The following DENND1B variants were observed in gnomAD, a reference collection of about 807,000 sequenced individuals.
DENND1B encodes the protein DENN domain containing 1B, also known as DENN domain-containing protein 1B.
DENND1B carries 59 observed loss-of-function variants against 90.1 expected under a neutral mutation model. The observed-to-expected ratio is 0.65, with a 90% CI of 0.53 to 0.81. The LOEUF (loss-of-function observed/expected upper bound fraction) is 0.81, where lower values mean the gene tolerates loss of function less well. DENND1B is among the 40% of genes least tolerant of loss of function. The pLI is 0.00. For missense variants in DENND1B, 862 were observed against 912.6 expected (o/e 0.94, Z 0.71); for synonymous variants, 337 against 324.6 (o/e 1.04, Z -0.41).
intron 2 of DENND1B, among the ~76,000 whole-genome samples, chr1:197,739,537 T>G (rs544246899): frequency 3.9e-5 from 6 of 151,902 alleles, no homozygotes; most frequent in African/African-American, 1.4e-4. Flanking sequence ...AACCCAACGG[T>G]CAAAGAAGAA....
intron 20 of DENND1B, among the ~76,000 whole-genome samples, chr1:197,538,676 T>A (rs1265995934): frequency 6.6e-6 from 1 of 150,954 alleles, no homozygotes; most frequent in South Asian, 2.1e-4. Context: ...TTTTTTTTTT[T>A]TTTTTTACAA....
At chr1:197,545,009 A>G (rs1017217768) in intron 18 of DENND1B, among the ~76,000 whole-genome samples, 37 of 20,438 alleles carry the variant, frequency 1.8e-3, no homozygotes, top group African/African-American at 4.2e-3. Context: ...GAAGACGACG[A>G]CGACGACGAC....
At chr1:197,556,000 A>C (rs1447595117) in intron 15 of DENND1B, among the ~76,000 whole-genome samples, 2 of 152,156 alleles carry the variant, frequency 1.3e-5, no homozygotes, top group East Asian at 3.9e-4. Flanking sequence ...TGGTACATAT[A>C]CACCATGGAA....
intron 10 of DENND1B, among the ~76,000 whole-genome samples, chr1:197,628,246 G>A (rs112087828): frequency 6.6e-6 from 1 of 152,120 alleles, no homozygotes; most frequent in African/African-American, 2.4e-5. Context: ...GAACAAAGCT[G>A]GAGGCATCAT....
intron 5 of DENND1B, among the ~76,000 whole-genome samples, chr1:197,668,892 G>T (rs1055030342): frequency 2.6e-5 from 4 of 151,954 alleles, no homozygotes; most frequent in African/African-American, 9.7e-5. Flanking sequence ...AGCACATGAA[G>T]TGTGTTTTCC....
chr1:197,521,798 T>C (rs144575357), intron 20 of DENND1B, among the ~76,000 whole-genome samples: 1 of 152,228 alleles, frequency 6.6e-6, no homozygotes, highest in East Asian at 1.9e-4. Context: ...TGCTTCAATG[T>C]GTTAGCTACT....
chr1:197,663,785 T>C (rs1314575790), intron 5 of DENND1B, among the ~76,000 whole-genome samples: 1 of 152,028 alleles, frequency 6.6e-6, no homozygotes, highest in Non-Finnish European at 1.5e-5. Flanking sequence ...TTGAGCCCCT[T>C]ACCTGGTCTA....
At chr1:197,761,682 G>A (rs542823923) in intron 2 of DENND1B, 1 of 151,878 alleles carries the variant, frequency 6.6e-6, no homozygotes, top group South Asian at 2.1e-4. Context: ...CCTCATGCTG[G>A]TGCATTTCTG....
At position 197,611,990 on chromosome 1, in the gene DENND1B, A is replaced by G. The variant is rs1288754215; in HGVS notation, c.774-14T>C. 1 of 1,584,212 alleles carries G rather than the reference A, an allele frequency of 6.3e-7. No individual in the cohort carries two copies. The highest frequency in any genetic ancestry group is 1.7e-5 in the Admixed American group (1 of 59,320). On this transcript the variant is annotated splice_polypyrimidine_tract_variant and intron_variant, in intron 11 of 22. Transcript: ENST00000620048. Reference sequence around the variant, plus strand: ...GGCATTGGGGCACTAAATTAAAAATATATATATGCATAGATTCATATAGTT... The same window carrying G: ...GGCATTGGGGCACTAAATTAAAAATGTATATATGCATAGATTCATATAGTT...
intron 2 of DENND1B, among the ~76,000 whole-genome samples, chr1:197,763,683 A>G (rs1655372433): frequency 6.6e-6 from 1 of 152,226 alleles, no homozygotes; most frequent in Admixed American, 6.5e-5. Flanking sequence ...AACTTTAGAA[A>G]AAGATAACCA....
chr1:197,725,289 A>C (rs1186090920), intron 2 of DENND1B, among the ~76,000 whole-genome samples: 1 of 152,168 alleles, frequency 6.6e-6, no homozygotes, highest in Admixed American at 6.5e-5. Context: ...CAGCAATGGA[A>C]GCCAGAAGAC....
intron 13 of DENND1B, among the ~76,000 whole-genome samples, chr1:197,601,456 C>A (rs974390007): frequency 4.0e-5 from 6 of 150,760 alleles, no homozygotes; most frequent in Non-Finnish European, 3.0e-5. Flanking sequence ...ATGGAAAAAT[C>A]AAGAATTTAA....
intron 2 of DENND1B, among the ~76,000 whole-genome samples, chr1:197,763,033 C>G (rs974023817): frequency 6.6e-6 from 1 of 152,158 alleles, no homozygotes; most frequent in Non-Finnish European, 1.5e-5. Flanking sequence ...CATCTGCCAG[C>G]TTGGCGGTGG....
At position 197,658,340 on chromosome 1, in the gene DENND1B, T is replaced by C. The variant is rs765029922; in HGVS notation, c.326A>G (p.Lys109Arg). The C allele has an allele frequency of 3.7e-6, 6 of 1,609,440 alleles. No homozygotes were observed. The highest frequency in any genetic ancestry group is 5.1e-6 in the Non-Finnish European group (6 of 1,177,254). Residue 109 changes from lysine (K) to arginine (R), a missense_variant, in exon 6 of 23, where the codon AAG (lysine) becomes AGG (arginine). Physicochemically the swap from Lys to Arg is conservative, Grantham distance 26. Coordinates refer to ENST00000620048, the MANE Select transcript of DENND1B (RefSeq NM_001195215.2). ...GTAATCTGCAAGAGTATTTAGAAGC[T>C]TGTAATACACTTCAAACCAGGGAAG... is the stretch of plus-strand genomic sequence containing the variant. ...SYLPWFEVYY[K>R]LLNTLADYLA...
chr1:197,607,516 A>T (rs933692989), intron 12 of DENND1B, among the ~76,000 whole-genome samples: 3 of 150,912 alleles, frequency 2.0e-5, no homozygotes, highest in African/African-American at 7.3e-5. Flanking sequence ...CCATGAAACA[A>T]GAATTCATGG....
At chr1:197,720,404 A>AT (rs954326559) in intron 2 of DENND1B, among the ~76,000 whole-genome samples, 7 of 149,010 alleles carry the variant, frequency 4.7e-5, no homozygotes, top group African/African-American at 7.4e-5. Flanking sequence ...TGCCCAACTA[A>AT]TTTTTTTTTT....
chr1:197,720,192 AATG>A (rs1661029624), intron 2 of DENND1B, among the ~76,000 whole-genome samples: 1 of 152,136 alleles, frequency 6.6e-6, no homozygotes, highest in Non-Finnish European at 1.5e-5. Context: ...TTATGGTTAA[AATG>A]ATATTTTATT....
At position 197,600,424 on chromosome 1, in the gene DENND1B, C is replaced by T. The variant is rs1405737589; in HGVS notation, c.922-5091G>A. ...TGTGAGTTGAGGAACATGACATTTT[C>T]AGGCTGTCCCTAAAAGGGATATGAA... is the stretch of plus-strand genomic sequence containing the variant. On this transcript the variant is annotated intron_variant, in intron 13 of 22. Transcript: ENST00000620048. Among the ~76,000 whole-genome samples, 7 of 151,648 alleles carry T rather than the reference C, an allele frequency of 4.6e-5. 1 individual carries two copies. The highest frequency in any genetic ancestry group is 1.0e-4 in the Non-Finnish European group (7 of 67,824).
chr1:197,625,260 G>C (rs1396417642), intron 10 of DENND1B, among the ~76,000 whole-genome samples: 1 of 143,244 alleles, frequency 7.0e-6, no homozygotes. Flanking sequence ...AGGGCAGCCA[G>C]AGAGAAAGGT....
Sources: gnomAD v4.1 joint callset for allele counts (sites outside exome capture counted in the v4.1 genomes callset) on GRCh38, gnomAD v4.1.1 for gene constraint, MANE v1.5 for transcripts, NCBI Gene and HGNC (gene_info 2026-07-23, HGNC 2026-07-21) for gene names.